Variants in HS6ST3 observed in about 807,000 individuals in gnomAD.
The protein encoded by HS6ST3 is heparan sulfate 6-O-sulfotransferase 3.
In HS6ST3, 12 loss-of-function variants were observed where a neutral mutation model predicts 36.7. The observed-to-expected ratio is 0.33, with a 90% CI of 0.21 to 0.53. The LOEUF (loss-of-function observed/expected upper bound fraction) is 0.53, where lower values mean the gene tolerates loss of function less well. HS6ST3 is among the 20% of genes least tolerant of loss of function. The pLI is 0.95. For synonymous variants in HS6ST3, 240 were observed against 257.5 expected, an observed-to-expected ratio of 0.93 and a Z score of 0.65; for missense variants, 584 against 640.9, an observed-to-expected ratio of 0.91 and a Z score of 0.96.
At chr13:96,135,807 A>G (rs2053998893) in intron 1 of HS6ST3, among the ~76,000 whole-genome samples, 1 of 152,200 alleles carries the variant, frequency 6.6e-6, no homozygotes. Context: ...ACTTACAGGG[A>G]TGGCTCAGTG....
rs151252917 is a variant in HS6ST3 at position 96,160,697 on chromosome 13, A to G, written c.707+69128A>G. On this transcript the variant is annotated intron_variant, in intron 1 of 1. Transcript: ENST00000376705. ...TAGCTTGGGGCTATTCTGAAGACAA[A>G]TGAGGCAAAATGTGGTGTTTAAGCA... Among the ~76,000 whole-genome samples the G allele has an allele frequency of 8.5e-5, 13 of 152,368 alleles. No individual in the cohort carries two copies. In the East Asian group the frequency reaches 2.5e-3, roughly 29 times the overall value.
chr13:96,179,618 C>T (rs1359690048), intron 1 of HS6ST3, among the ~76,000 whole-genome samples: 1 of 152,162 alleles, frequency 6.6e-6, no homozygotes, highest in African/African-American at 2.4e-5. Flanking sequence ...TCCTTTTGGG[C>T]CAACATGCGG....
At chr13:96,401,509 T>C (rs1594772272) in intron 1 of HS6ST3, among the ~76,000 whole-genome samples, 2 of 152,370 alleles carry the variant, frequency 1.3e-5, no homozygotes, top group East Asian at 1.9e-4. Flanking sequence ...TCTCAGTTTC[T>C]TATAGTTTTA....
chr13:96,228,310 G>T (rs1257228328), intron 1 of HS6ST3, among the ~76,000 whole-genome samples: 5 of 152,172 alleles, frequency 3.3e-5, no homozygotes, highest in African/African-American at 1.2e-4. Flanking sequence ...TCAGGCTGGA[G>T]TGCATTGGCA....
At chr13:96,802,238 T>C (rs1209992306) in intron 1 of HS6ST3, among the ~76,000 whole-genome samples, 2 of 152,088 alleles carry the variant, frequency 1.3e-5, no homozygotes, top group African/African-American at 4.8e-5. Context: ...ATTTACGTGA[T>C]TCATGGAAAG....
chr13:96,753,781 A>T (rs182774855), intron 1 of HS6ST3, among the ~76,000 whole-genome samples: 1 of 152,160 alleles, frequency 6.6e-6, no homozygotes, highest in Non-Finnish European at 1.5e-5. Flanking sequence ...CTCTGACTTT[A>T]AAGTGATTAA....
chr13:96,399,962 C>T (rs1349356909), intron 1 of HS6ST3, among the ~76,000 whole-genome samples: 1 of 152,124 alleles, frequency 6.6e-6, no homozygotes, highest in Non-Finnish European at 1.5e-5. Context: ...GCTCCAGAAC[C>T]CAAAGTTTTT....
chr13:96,504,759 A>G (rs1160359987), intron 1 of HS6ST3, among the ~76,000 whole-genome samples: 4 of 152,164 alleles, frequency 2.6e-5, no homozygotes, highest in Admixed American at 1.3e-4. Flanking sequence ...TCGTTATATT[A>G]TGAGCATGTT....
At chr13:96,832,377 A>C (rs932760110) in intron 1 of HS6ST3, 113 bp from the exon 2 acceptor site, 2 of 735,184 alleles carry the variant, frequency 2.7e-6, no homozygotes, top group Admixed American at 6.2e-5. Context: ...ATACTCTCAC[A>C]TGAACATTTG....
chr13:96,522,995 G>T (rs2056099717), intron 1 of HS6ST3, among the ~76,000 whole-genome samples: 1 of 152,166 alleles, frequency 6.6e-6, no homozygotes, highest in Non-Finnish European at 1.5e-5. Flanking sequence ...TGCAGTGGCT[G>T]GTACCGGTTG....
intron 1 of HS6ST3, among the ~76,000 whole-genome samples, chr13:96,467,149 T>C (rs1251712359): frequency 1.3e-5 from 2 of 152,202 alleles, no homozygotes; most frequent in Non-Finnish European, 2.9e-5. Context: ...GTTCACCATA[T>C]CATGTATACC....
At chr13:96,588,248 G>A (rs2056369305) in intron 1 of HS6ST3, among the ~76,000 whole-genome samples, 1 of 149,758 alleles carries the variant, frequency 6.7e-6, no homozygotes, top group Non-Finnish European at 1.5e-5. Context: ...ACTCTAGCTA[G>A]CTAGAATGTC....
intron 1 of HS6ST3, among the ~76,000 whole-genome samples, chr13:96,743,783 C>T (rs1255062682): frequency 1.3e-5 from 2 of 152,016 alleles, no homozygotes; most frequent in Middle Eastern, 3.2e-3. Flanking sequence ...GAAGATTTAT[C>T]AATCTGGTGC....
intron 1 of HS6ST3, among the ~76,000 whole-genome samples, chr13:96,127,426 C>T (rs1417435680): frequency 1.3e-5 from 2 of 152,182 alleles, no homozygotes; most frequent in Non-Finnish European, 2.9e-5. Context: ...GGTTTGTGCT[C>T]CTATGAGAAT....
At chr13:96,697,779 G>C (rs1051563096) in intron 1 of HS6ST3, among the ~76,000 whole-genome samples, 1 of 152,112 alleles carries the variant, frequency 6.6e-6, no homozygotes, top group East Asian at 1.9e-4. Context: ...TAAGTTATAA[G>C]TTAAACCCTG....
At chr13:96,457,421 A>G (rs973234703) in intron 1 of HS6ST3, among the ~76,000 whole-genome samples, 1 of 152,158 alleles carries the variant, frequency 6.6e-6, no homozygotes, top group Non-Finnish European at 1.5e-5. Flanking sequence ...TTGCTTGGTG[A>G]CAATGTGGCA....
chr13:96,331,525 G>A lies in HS6ST3; in HGVS notation c.707+239956G>A, dbSNP rs1478228171. ...AGGGGTCAGGGACCCACTTGAGGAG[G>A]CAGTCTGCCCGTTCTCAGATCTCCA... is the stretch of plus-strand genomic sequence containing the variant. On this transcript the variant is annotated intron_variant, in intron 1 of 1. Transcript: ENST00000376705. Among the ~76,000 whole-genome samples the A allele has an allele frequency of 4.6e-5, 7 of 152,270 alleles. No homozygotes were observed. The South Asian group carries it at 1.4e-3, about 32-fold the overall frequency.
At chr13:96,527,826 C>T (rs951090412) in intron 1 of HS6ST3, among the ~76,000 whole-genome samples, 1 of 152,030 alleles carries the variant, frequency 6.6e-6, no homozygotes, top group African/African-American at 2.4e-5. Flanking sequence ...TAGCATTGTT[C>T]TCAAAGTATA....
intron 1 of HS6ST3, among the ~76,000 whole-genome samples, chr13:96,425,912 A>G (rs1435399914): frequency 3.3e-5 from 5 of 151,984 alleles, no homozygotes; most frequent in African/African-American, 1.2e-4. Flanking sequence ...TTTATTGCAC[A>G]AGCCCTTACT....
Sources: gnomAD v4.1 joint callset for allele counts (sites outside exome capture counted in the v4.1 genomes callset) on GRCh38, gnomAD v4.1.1 for gene constraint, MANE v1.5 for transcripts, NCBI Gene and HGNC (gene_info 2026-07-23, HGNC 2026-07-21) for gene names.